The following MGAT4C variants were observed in gnomAD, a reference collection of about 807,000 sequenced individuals.
MGAT4C encodes the protein MGAT4 family member C, also known as alpha-1,3-mannosyl-glycoprotein 4-beta-N-acetylglucosaminyltransferase C.
A neutral mutation model predicts 40.1 loss-of-function variants in MGAT4C; 19 were observed. The ratio of observed to expected loss-of-function variants is 0.47; its 90% CI spans 0.33 to 0.70. The LOEUF (loss-of-function observed/expected upper bound fraction) is 0.70. Among genes scored for constraint, MGAT4C ranks in the 30% least tolerant of loss-of-function variants. The pLI is 0.02. For synonymous variants in MGAT4C, 181 were observed against 187.1 expected (o/e 0.97, Z 0.27); for missense variants, 491 against 563.2 (o/e 0.87, Z 1.30).
intron 2 of MGAT4C, among the ~76,000 whole-genome samples, chr12:86,526,622 A>C (rs1286378192): frequency 6.6e-6 from 1 of 152,050 alleles, no homozygotes; most frequent in Non-Finnish European, 1.5e-5. Context: ...ATCAAGGACC[A>C]CTCAGGCTAA....
At chr12:86,234,224 T>C (rs1477634565) in intron 1 of MGAT4C, among the ~76,000 whole-genome samples, 1 of 152,172 alleles carries the variant, frequency 6.6e-6, no homozygotes, top group East Asian at 1.9e-4. Flanking sequence ...ATAAGATATT[T>C]AAATTGAATT....
chr12:86,192,025 A>G (rs1017479378), intron 1 of MGAT4C, among the ~76,000 whole-genome samples: 16 of 142,492 alleles, frequency 1.1e-4, no homozygotes, highest in African/African-American at 3.9e-4. Context: ...GTTCTCACTC[A>G]TAGGTGGGAA....
At chr12:86,632,054 T>C (rs1334903616) in intron 2 of MGAT4C, among the ~76,000 whole-genome samples, 13 of 151,844 alleles carry the variant, frequency 8.6e-5, no homozygotes, top group Non-Finnish European at 1.9e-4. Flanking sequence ...TAAACAAATT[T>C]ATAAGAAAAA....
In MGAT4C at chr12:86,367,842, AC is replaced by A. The variant is rs200920677; in HGVS notation, c.-119-33716del. 8.0e-3 allele frequency among the ~76,000 whole-genome samples: 1,222 copies of A among 151,884 alleles called. 23 individuals carry two copies. Among genetic ancestry groups the A allele is most frequent in the African/African-American group, 0.028 (1,174 of 41,444 alleles). On this transcript the variant is annotated intron_variant, in intron 3 of 7. Transcript: ENST00000548651. The stretch of plus-strand genomic sequence containing the variant: ...AACAAACAAACAAAAAACAACAACA[AC>A]AAAAAAAACAACTCTTAAACTCTTA...
At chr12:86,417,362 T>C (rs1052019762) in intron 3 of MGAT4C, among the ~76,000 whole-genome samples, 1 of 152,252 alleles carries the variant, frequency 6.6e-6, no homozygotes, top group Non-Finnish European at 1.5e-5. Context: ...AAGGCTAAAG[T>C]ATACCTTGTT....
intron 3 of MGAT4C, among the ~76,000 whole-genome samples, chr12:85,989,155 T>C (rs1354139654): frequency 6.6e-6 from 1 of 152,082 alleles, no homozygotes; most frequent in East Asian, 1.9e-4. Flanking sequence ...AGCTAACTTA[T>C]TTGTAATTAC....
chr12:86,710,170 G>A (rs1171670616), intron 2 of MGAT4C, among the ~76,000 whole-genome samples: 1 of 152,142 alleles, frequency 6.6e-6, no homozygotes, highest in African/African-American at 2.4e-5. Flanking sequence ...AAATTACACT[G>A]AAAGCAAGAT....
chr12:86,569,365 T>C (rs920617604), intron 2 of MGAT4C, among the ~76,000 whole-genome samples: 3 of 152,072 alleles, frequency 2.0e-5, no homozygotes, highest in Non-Finnish European at 2.9e-5. Context: ...CATTAAAAAG[T>C]TGGCAAAGGA....
chr12:86,409,705 C>T (rs1463165103), intron 3 of MGAT4C, among the ~76,000 whole-genome samples: 2 of 151,942 alleles, frequency 1.3e-5, no homozygotes, highest in Admixed American at 6.6e-5. Context: ...AATTGTAATC[C>T]CCAGTGTTGG....
intron 2 of MGAT4C, among the ~76,000 whole-genome samples, chr12:86,043,262 C>G (rs1000580773): frequency 6.6e-6 from 1 of 152,032 alleles, no homozygotes; most frequent in African/African-American, 2.4e-5. Context: ...AAGGTGAAGT[C>G]CCACAATAGG....
chr12:86,440,086 A>G (rs1471153271), intron 2 of MGAT4C, among the ~76,000 whole-genome samples: 1 of 152,134 alleles, frequency 6.6e-6, no homozygotes, highest in African/African-American at 2.4e-5. Flanking sequence ...AACGATTTCA[A>G]ATGATTGAGA....
chr12:86,049,302 G>C (rs1242396186), intron 2 of MGAT4C, among the ~76,000 whole-genome samples: 1 of 151,406 alleles, frequency 6.6e-6, no homozygotes, highest in African/African-American at 2.4e-5. Flanking sequence ...CTGTGTGTGC[G>C]CCTGTGTGTG....
intron 4 of MGAT4C, among the ~76,000 whole-genome samples, chr12:86,318,481 A>G (rs1445188262): frequency 3.3e-5 from 5 of 152,180 alleles, no homozygotes; most frequent in Non-Finnish European, 5.9e-5. Context: ...ACTCTTCACA[A>G]TTGTTGGAAC....
chr12:86,774,331 C>CTTTCTTTCTTTCTTTCT (rs1555227805), intron 1 of MGAT4C, among the ~76,000 whole-genome samples: 2 of 106,838 alleles, frequency 1.9e-5, no homozygotes, highest in African/African-American at 7.0e-5. Context: ...TTCTTTCTTT[C>CTTTCTTTCTTTCTTTCT]TTTCTTTCTG....
chr12:86,240,034 A>AAT (rs1555255384), intron 1 of MGAT4C, among the ~76,000 whole-genome samples: 1 of 34,580 alleles, frequency 2.9e-5, no homozygotes, highest in African/African-American at 5.0e-5. Flanking sequence ...AATAAAAAAA[A>AAT]AAAATAAAAA....
intron 1 of MGAT4C, among the ~76,000 whole-genome samples, chr12:86,192,011 G>A (rs1282488773): frequency 6.9e-6 from 1 of 144,428 alleles, no homozygotes; most frequent in African/African-American, 2.6e-5. Context: ...ACCAAACACC[G>A]CATGTTCTCA....
intron 1 of MGAT4C, among the ~76,000 whole-genome samples, chr12:86,185,556 A>G (rs1888667051): frequency 6.6e-6 from 1 of 152,158 alleles, no homozygotes; most frequent in Non-Finnish European, 1.5e-5. Flanking sequence ...AAAAAAGAGC[A>G]TAGTTTCAAA....
chr12:86,626,016 T>C (rs1962794220), intron 2 of MGAT4C, among the ~76,000 whole-genome samples: 1 of 152,048 alleles, frequency 6.6e-6, no homozygotes, highest in Admixed American at 6.6e-5. Context: ...CCTAAAAATA[T>C]GAATAATTAA....
intron 1 of MGAT4C, among the ~76,000 whole-genome samples, chr12:86,096,706 A>AT (rs771493939): frequency 2.0e-5 from 3 of 150,952 alleles, no homozygotes; most frequent in African/African-American, 4.9e-5. Flanking sequence ...AGAGGGTTTT[A>AT]TTTTTCCTGC....
Sources: allele counts gnomAD v4.1 joint callset (sites outside exome capture counted in the v4.1 genomes callset), GRCh38; gene constraint gnomAD v4.1.1; transcripts MANE v1.5; gene names NCBI Gene and HGNC (gene_info 2026-07-23, HGNC 2026-07-21).